EPS15L1: variants seen among roughly 807,000 people sequenced by gnomAD.
EPS15L1 encodes epidermal growth factor receptor pathway substrate 15 like 1.
A neutral mutation model predicts 117.1 loss-of-function variants in EPS15L1; 43 were observed. The observed-to-expected ratio is 0.37, with a 90% CI of 0.29 to 0.47. The LOEUF (loss-of-function observed/expected upper bound fraction) is 0.47, where lower values mean the gene tolerates loss of function less well. EPS15L1 is among the 20% of genes least tolerant of loss of function. The pLI is 0.99. For missense variants in EPS15L1, 981 were observed against 1,164.0 expected, an observed-to-expected ratio of 0.84 and a Z score of 2.29; for synonymous variants, 459 against 470.5, an observed-to-expected ratio of 0.98 and a Z score of 0.32.
intron 22 of EPS15L1, among the ~76,000 whole-genome samples, chr19:16,362,855 G>A (rs2092077997): frequency 6.6e-6 from 1 of 152,102 alleles, no homozygotes; most frequent in Non-Finnish European, 1.5e-5. Flanking sequence ...GGTGTTGGTG[G>A]CTCCAAGGGG....
At chr19:16,407,147 G>A (rs1347644085) in intron 13 of EPS15L1, among the ~76,000 whole-genome samples, 2 of 152,142 alleles carry the variant, frequency 1.3e-5, no homozygotes, top group Non-Finnish European at 2.9e-5. Context: ...CAAGCCAAAT[G>A]GACTAAGACA....
At chr19:16,458,906 C>T (rs541840209) in intron 1 of EPS15L1, among the ~76,000 whole-genome samples, 8 of 152,296 alleles carry the variant, frequency 5.3e-5, no homozygotes, top group African/African-American at 1.7e-4. Flanking sequence ...AGAGTTGCAT[C>T]GTCAGGTTAA....
intron 7 of EPS15L1, among the ~76,000 whole-genome samples, chr19:16,433,999 A>G (rs1452553857): frequency 6.6e-6 from 1 of 152,140 alleles, no homozygotes; most frequent in Non-Finnish European, 1.5e-5. Context: ...AAATAAATAG[A>G]CACAGACACA....
At chr19:16,418,200 C>T (rs1299177160) in intron 10 of EPS15L1, 96 bp from the exon 11 acceptor site, 13 of 1,392,944 alleles carry the variant, frequency 9.3e-6, no homozygotes, top group South Asian at 5.4e-5. Context: ...ACGACAGCGA[C>T]GAAAACAACG....
chr19:16,397,235 G>T lies in EPS15L1; in HGVS notation c.1792-1768C>A, dbSNP rs371026457. ...CTCCTGAGTAGCTGGGATTACAGGC[G>T]TGCACCACCATGCCCAGCTAATTTT... On this transcript the variant is annotated intron_variant, in intron 16 of 23. Transcript: ENST00000455140. 1.2e-4 allele frequency among the ~76,000 whole-genome samples: 18 copies of T among 151,930 alleles called. 1 individual carries two copies. The South Asian group carries it at 3.7e-3, about 32-fold the overall frequency.
chr19:16,361,585 C>A, intron 23 of EPS15L1, 194 bp downstream of exon 23: 1 of 1,091,190 alleles, frequency 9.2e-7, no homozygotes. Context: ...AACTGCGGCT[C>A]TTTTTTTTTT....
intron 23 of EPS15L1, chr19:16,356,926 T>C (rs1313194882): frequency 1.3e-5 from 2 of 152,186 alleles, no homozygotes; most frequent in Non-Finnish European, 2.9e-5. Flanking sequence ...AGGATTCCCT[T>C]ATTAATGTCT....
chr19:16,404,352 A>G lies in EPS15L1; in HGVS notation c.1428+236T>C, dbSNP rs2092632939. On this transcript the variant is annotated intron_variant, in intron 14 of 23. Transcript: ENST00000455140. This position sits in a 1 kb window ranked among gnomAD's most constrained non-coding sequence, Gnocchi z 4.2. ...CCAGGTGGGGTGTGTTCAGGGCACA[A>G]GTTCGCAGGGACCAAGGCCATTCAC... 6.6e-6 allele frequency among the ~76,000 whole-genome samples: 1 copy of G among 152,184 alleles called. No individual in the cohort carries two copies. The highest frequency in any genetic ancestry group is 1.5e-5 in the Non-Finnish European group (1 of 68,018).
chr19:16,451,202 C>T (rs189451352), intron 1 of EPS15L1, among the ~76,000 whole-genome samples: 324 of 152,260 alleles, frequency 2.1e-3, no homozygotes, highest in Non-Finnish European at 3.7e-3. Flanking sequence ...CTGCCTGCCT[C>T]GGCCTCCCAA....
At chr19:16,393,862 T>C (rs563497068) in intron 18 of EPS15L1, 89 bp downstream of exon 18, 2 of 1,272,678 alleles carry the variant, frequency 1.6e-6, no homozygotes, top group East Asian at 2.3e-5. Flanking sequence ...CCATCCCCGG[T>C]GTATGTGGAC....
At chr19:16,470,511 C>G (rs1308442445) in intron 1 of EPS15L1, among the ~76,000 whole-genome samples, 1 of 126,314 alleles carries the variant, frequency 7.9e-6, no homozygotes. Context: ...CCCCGCCCCC[C>G]ACCCCCTGAC....
intron 1 of EPS15L1, among the ~76,000 whole-genome samples, chr19:16,447,127 A>C (rs2093091328): frequency 6.6e-6 from 1 of 152,200 alleles, no homozygotes; most frequent in Non-Finnish European, 1.5e-5. Flanking sequence ...GCCGGCCCAC[A>C]TTCTGCGGGT....
At chr19:16,384,432 T>C (rs1482009497) in intron 21 of EPS15L1, among the ~76,000 whole-genome samples, 1 of 152,158 alleles carries the variant, frequency 6.6e-6, no homozygotes, top group African/African-American at 2.4e-5. Flanking sequence ...AAGGGGCTTC[T>C]ATTGTTGTTT....
At chr19:16,396,288 G>A (rs1353232020) in intron 16 of EPS15L1, among the ~76,000 whole-genome samples, 1 of 152,184 alleles carries the variant, frequency 6.6e-6, no homozygotes, top group Non-Finnish European at 1.5e-5. Flanking sequence ...CTGAAACAGG[G>A]TCTCACTCTG....
intron 5 of EPS15L1, 169 bp from the exon 6 acceptor site, chr19:16,437,168 A>G (rs2145048927): frequency 1.7e-6 from 1 of 597,298 alleles, no homozygotes; most frequent in African/African-American, 1.8e-5. Context: ...CTACGTATTG[A>G]CCCAAATGAA....
At chr19:16,418,777 G>C (rs2092785356) in intron 10 of EPS15L1, among the ~76,000 whole-genome samples, 1 of 152,128 alleles carries the variant, frequency 6.6e-6, no homozygotes, top group South Asian at 2.1e-4. Context: ...GCCCCAGAAG[G>C]CTCTCTCTGC....
intron 1 of EPS15L1, among the ~76,000 whole-genome samples, chr19:16,468,919 C>T (rs1274307082): frequency 1.3e-5 from 2 of 152,108 alleles, no homozygotes; most frequent in Admixed American, 1.3e-4. Flanking sequence ...ACTTGAGAGG[C>T]CAAGGTGGGA....
intron 6 of EPS15L1, 134 bp from the exon 7 acceptor site, chr19:16,434,624 T>C: frequency 3.2e-6 from 3 of 938,214 alleles, no homozygotes; most frequent in Non-Finnish European, 3.2e-6. Flanking sequence ...CAAAATGATC[T>C]TAGAACAGTC....
At chr19:16,418,953 A>G (rs545148638) in intron 10 of EPS15L1, among the ~76,000 whole-genome samples, 1 of 152,342 alleles carries the variant, frequency 6.6e-6, no homozygotes, top group East Asian at 1.9e-4. Context: ...ACTTTGTCAC[A>G]GCAGCCCAAT....
Sources: allele counts gnomAD v4.1 joint callset (sites outside exome capture counted in the v4.1 genomes callset), GRCh38; gene constraint gnomAD v4.1.1; non-coding constraint Gnocchi (gnomAD v3.1); transcripts MANE v1.5; gene names NCBI Gene and HGNC (gene_info 2026-07-23, HGNC 2026-07-21).